The following ZNF670 variants were observed in gnomAD, a reference collection of about 807,000 sequenced individuals.
ZNF670 encodes the protein zinc finger protein 670.
ZNF670 carries 7 observed loss-of-function variants against 10.9 expected under a neutral mutation model. That is an observed-to-expected ratio of 0.64 (90% confidence interval 0.36 to 1.20). The LOEUF (loss-of-function observed/expected upper bound fraction) is 1.20. Ranked by LOEUF, ZNF670 falls within the 50% of genes most tolerant of loss-of-function variation. ZNF670 has a pLI of 0.02. For synonymous variants in ZNF670, 136 were observed against 152.7 expected (o/e 0.89, Z 0.81); for missense variants, 446 against 458.6 (o/e 0.97, Z 0.25).
At chr1:247,046,499 C>T (rs1478096199) in intron 1 of ZNF670, among the ~76,000 whole-genome samples, 1 of 152,202 alleles carries the variant, frequency 6.6e-6, no homozygotes, top group Non-Finnish European at 1.5e-5. Flanking sequence ...GCCTTGGAGG[C>T]TTCCGCTTAG....
rs1671102174 is a variant in ZNF670 at position 247,071,028 on chromosome 1, AATT to A, written c.3+7563_3+7565del. 2.0e-5 allele frequency among the ~76,000 whole-genome samples: 3 copies of A among 152,330 alleles called. No homozygotes were observed. In the South Asian group the frequency reaches 6.2e-4, roughly 32 times the overall value. On this transcript the variant is annotated intron_variant, in intron 1 of 3. Coordinates refer to ENST00000366503, the MANE Select transcript of ZNF670 (RefSeq NM_033213.5). ...CTTACACGCTGCTGGAGGGGATGTAAATTAGTTCAGCCACTGTGGAAAGCATTT... is the reference window on the plus strand; with the variant it reads ...CTTACACGCTGCTGGAGGGGATGTAAAGTTCAGCCACTGTGGAAAGCATTT...
At chr1:247,071,224 T>A (rs985929801) in intron 1 of ZNF670, among the ~76,000 whole-genome samples, 2 of 152,200 alleles carry the variant, frequency 1.3e-5, no homozygotes, top group African/African-American at 4.8e-5. Context: ...TTAACCTATA[T>A]GCCCAGCAAC....
chr1:247,053,561 G>A (rs996252488), intron 1 of ZNF670, among the ~76,000 whole-genome samples: 17 of 152,162 alleles, frequency 1.1e-4, no homozygotes, highest in East Asian at 1.9e-4. Context: ...GCGTGAACCC[G>A]TGAGGTGGAG....
intron 1 of ZNF670, chr1:247,042,790 C>A: frequency 2.1e-6 from 1 of 474,976 alleles, no homozygotes; most frequent in Non-Finnish European, 3.8e-6. Context: ...TTCTGAGTTC[C>A]ATGAAAATGT....
rs1671313175 is a variant in ZNF670, at chr1:247,078,639, G to C, written c.-43C>G. On this transcript the variant is annotated 5_prime_UTR_variant, in exon 1 of 4. Coordinates refer to ENST00000366503, the MANE Select transcript of ZNF670 (RefSeq NM_033213.5). The stretch of plus-strand genomic sequence containing the variant: ...CTGGGGTCCTCCCTAAGGACCTTCC[G>C]GGACCTGCAGGTCCCAGAGCAACAG... The C allele has an allele frequency of 3.7e-6, 6 of 1,611,080 alleles. No individual in the cohort carries two copies. The East Asian group carries it at 1.3e-4, about 36-fold the overall frequency.
chr1:247,059,267 CTG>C (rs1389212337), intron 1 of ZNF670, among the ~76,000 whole-genome samples: 2 of 151,536 alleles, frequency 1.3e-5, no homozygotes, highest in African/African-American at 4.9e-5. Flanking sequence ...CGGTGAAACC[CTG>C]TCTCTACTAA....
At chr1:247,078,021 T>C (rs6701582) in intron 1 of ZNF670, among the ~76,000 whole-genome samples, 54,888 of 152,014 alleles carry the variant, frequency 0.36, 11,568 homozygotes, top group African/African-American at 0.58. Flanking sequence ...TCTGGTTACA[T>C]AACCAGGAGA....
intron 1 of ZNF670, among the ~76,000 whole-genome samples, chr1:247,069,295 T>C (rs983799452): frequency 6.6e-6 from 1 of 150,924 alleles, no homozygotes; most frequent in Non-Finnish European, 1.5e-5. Context: ...CATAGATATA[T>C]ACACCTTGTA....
Position 247,037,644 on chromosome 1 carries a change from A to C in ZNF670, c.975T>G (p.Cys325Trp). Residue 325 changes from cysteine (C) to tryptophan (W), a missense_variant, in exon 4 of 4, where the codon TGT becomes TGG. Coordinates refer to ENST00000366503, the MANE Select transcript of ZNF670 (RefSeq NM_033213.5). Reference sequence around the variant, plus strand: ...CTCCAGTGTGAGTTCTTTCATGCTCACATAGGTTACTAGAATATTTGAAGG... The same window carrying C: ...CTCCAGTGTGAGTTCTTTCATGCTCCCATAGGTTACTAGAATATTTGAAGG... Reference protein sequence around the residue: ...GKAFKYSSNLCEHERTHTGVK... With the variant: ...GKAFKYSSNLWEHERTHTGVK... 6.2e-7 allele frequency: 1 copy of C among 1,614,020 alleles called. No homozygotes were observed. The highest frequency in any genetic ancestry group is 8.5e-7 in the Non-Finnish European group (1 of 1,179,980).
intron 1 of ZNF670, among the ~76,000 whole-genome samples, chr1:247,046,070 T>C (rs1366275580): frequency 1.3e-5 from 2 of 152,158 alleles, no homozygotes; most frequent in Admixed American, 6.6e-5. Context: ...AGAGGTGGTA[T>C]GGTCGCTTCT....
chr1:247,041,413 T>C (rs1670306042), intron 1 of ZNF670, among the ~76,000 whole-genome samples: 1 of 152,074 alleles, frequency 6.6e-6, no homozygotes, highest in Non-Finnish European at 1.5e-5. Flanking sequence ...TAAAAGAAGA[T>C]GAAAGACCAC....
chr1:247,059,363 G>A (rs1299372120), intron 1 of ZNF670, among the ~76,000 whole-genome samples: 4 of 151,896 alleles, frequency 2.6e-5, no homozygotes, highest in Non-Finnish European at 5.9e-5. Flanking sequence ...GGAGAATGGC[G>A]TGAACCTGGG....
chr1:247,063,561 C>T (rs1056251639), intron 1 of ZNF670, among the ~76,000 whole-genome samples: 4 of 120,174 alleles, frequency 3.3e-5, no homozygotes, highest in Admixed American at 1.0e-4. Flanking sequence ...CCAGCCTGGG[C>T]GACAGAGCGA....
At chr1:247,044,484 T>C (rs535988196) in intron 1 of ZNF670, among the ~76,000 whole-genome samples, 63 of 152,356 alleles carry the variant, frequency 4.1e-4, no homozygotes, top group African/African-American at 1.5e-3. Flanking sequence ...TAAGTTGTTC[T>C]ACCAAGAAGA....
At chr1:247,053,112 C>T (rs767226223) in intron 1 of ZNF670, among the ~76,000 whole-genome samples, 7 of 152,192 alleles carry the variant, frequency 4.6e-5, no homozygotes, top group South Asian at 4.2e-4. Flanking sequence ...CCCATGCAGC[C>T]GGAAAAGCCA....
At chr1:247,050,476 T>C (rs2103058804) in intron 1 of ZNF670, among the ~76,000 whole-genome samples, 1 of 102,568 alleles carries the variant, frequency 9.7e-6, no homozygotes, top group African/African-American at 6.0e-5. Flanking sequence ...TGAATTCTTT[T>C]CTTCTTTTTT....
chr1:247,071,479 T>C (rs1671112642), intron 1 of ZNF670, among the ~76,000 whole-genome samples: 1 of 152,184 alleles, frequency 6.6e-6, no homozygotes, highest in South Asian at 2.1e-4. Flanking sequence ...AGATGAATGG[T>C]GAAAATAGGG....
chr1:247,053,425 G>A (rs1670642440), intron 1 of ZNF670, among the ~76,000 whole-genome samples: 1 of 152,168 alleles, frequency 6.6e-6, no homozygotes, highest in African/African-American at 2.4e-5. Flanking sequence ...GAGGTCAGGA[G>A]ATAAGAGACC....
In ZNF670 at chr1:247,078,765, G is replaced by T; in HGVS notation, c.-169C>A. On this transcript the variant is annotated 5_prime_UTR_variant, in exon 1 of 4. Coordinates refer to ENST00000366503, the MANE Select transcript of ZNF670 (RefSeq NM_033213.5). ...TCGCGCTGCCCAACACAAAAGCCGC[G>T]CCAGGTCCCGGAAGCTGCTCCCTCC... 2.9e-6 allele frequency: 2 copies of T among 685,224 alleles called. No individual in the cohort carries two copies. Among genetic ancestry groups the T allele is most frequent in the Non-Finnish European group, 4.9e-6 (2 of 410,746 alleles). The allele number at this position is 685,224 out of a possible 1,614,324, so 42.4% of individuals were successfully genotyped here.
Sources: allele counts gnomAD v4.1 joint callset (sites outside exome capture counted in the v4.1 genomes callset), GRCh38; gene constraint gnomAD v4.1.1; transcripts MANE v1.5; gene names NCBI Gene and HGNC (gene_info 2026-07-23, HGNC 2026-07-21).